The following FSTL1 variants were observed in gnomAD, a reference collection of about 807,000 sequenced individuals.
FSTL1 encodes the protein follistatin-related protein 1.
Under a neutral mutation model 45.9 loss-of-function variants are expected in FSTL1, and 24 were observed. That is an observed-to-expected ratio of 0.52 (90% CI 0.38 to 0.74). The LOEUF (loss-of-function observed/expected upper bound fraction) is 0.74. FSTL1 is among the 30% of genes least tolerant of loss of function. FSTL1 has a pLI of 0.00. For missense variants in FSTL1, 340 were observed against 381.8 expected (o/e 0.89, Z 0.91); for synonymous variants, 120 against 137.6 (o/e 0.87, Z 0.89).
chr3:120,429,078 C>CA (rs1937433810), intron 2 of FSTL1, among the ~76,000 whole-genome samples: 1 of 152,244 alleles, frequency 6.6e-6, no homozygotes, highest in African/African-American at 2.4e-5. Flanking sequence ...TGGTGTTCAT[C>CA]ATGCTTGGGC....
intron 2 of FSTL1, among the ~76,000 whole-genome samples, chr3:120,418,413 T>C (rs1287516291): frequency 6.6e-6 from 1 of 152,232 alleles, no homozygotes; most frequent in East Asian, 1.9e-4. Context: ...GGCATCCTAC[T>C]ATTTTTATTA....
chr3:120,409,704 G>A (rs372311784), intron 5 of FSTL1, 42 bp from the exon 6 acceptor site: 1 of 1,605,866 alleles, frequency 6.2e-7, no homozygotes, highest in African/African-American at 1.3e-5. Context: ...AGTCAGGGGA[G>A]GACCCCAGTG....
Position 120,396,728 on chromosome 3 carries a change from TAC to T in FSTL1, c.*222_*223del. The T allele has an allele frequency of 1.9e-6, 1 of 532,726 alleles. No homozygotes were observed. The highest frequency in any genetic ancestry group is 3.3e-6 in the Non-Finnish European group (1 of 300,566). 33.0% of individuals were successfully genotyped at this position (532,726 alleles called of 1,614,324 possible). On this transcript the variant is annotated 3_prime_UTR_variant, in exon 11 of 11. Transcript: ENST00000295633. ...TAGCCTCCAGCCCCAGAGCACCATTTACAGTTTCTCTTAAAGCACTCCTAGAA... is the reference window on the plus strand; with the variant it reads ...TAGCCTCCAGCCCCAGAGCACCATTTAGTTTCTCTTAAAGCACTCCTAGAA...
chr3:120,442,407 G>T (rs575564206), intron 2 of FSTL1, among the ~76,000 whole-genome samples: 5 of 152,342 alleles, frequency 3.3e-5, no homozygotes, highest in African/African-American at 1.2e-4. Flanking sequence ...GGCACAGCAG[G>T]ACTTCTAAGT....
intron 6 of FSTL1, among the ~76,000 whole-genome samples, chr3:120,409,211 G>A (rs1324869425): frequency 6.6e-6 from 1 of 152,222 alleles, no homozygotes; most frequent in Non-Finnish European, 1.5e-5. Context: ...TGTATTAACA[G>A]CCAGATCCAT....
chr3:120,442,652 C>A (rs1279153785), intron 2 of FSTL1, among the ~76,000 whole-genome samples: 1 of 151,618 alleles, frequency 6.6e-6, no homozygotes, highest in African/African-American at 2.4e-5. Context: ...TGGTGGCAGG[C>A]GCTTGTAATC....
At chr3:120,426,221 C>A (rs1383284202) in intron 2 of FSTL1, among the ~76,000 whole-genome samples, 1 of 152,148 alleles carries the variant, frequency 6.6e-6, no homozygotes, top group African/African-American at 2.4e-5. Flanking sequence ...GGAGAAAGCT[C>A]TAGGGCAGCT....
At chr3:120,403,939 A>AAC (rs1553789504) in intron 7 of FSTL1, among the ~76,000 whole-genome samples, 1,266 of 115,432 alleles carry the variant, frequency 0.011, 33 homozygotes, top group South Asian at 0.03. Context: ...AAAAAAAAAA[A>AAC]AAAAACAAAA....
chr3:120,439,143 AG>A (rs1937602167), intron 2 of FSTL1, among the ~76,000 whole-genome samples: 1 of 152,136 alleles, frequency 6.6e-6, no homozygotes. Flanking sequence ...GGCGAGAGCA[AG>A]GCCGGAAAGC....
At chr3:120,449,948 G>C (rs1232971600) in intron 2 of FSTL1, among the ~76,000 whole-genome samples, 1 of 152,156 alleles carries the variant, frequency 6.6e-6, no homozygotes, top group Admixed American at 6.5e-5. Flanking sequence ...AAACCTTTGA[G>C]TTAATGGAGC....
Position 120,416,027 on chromosome 3 carries a change from C to A in FSTL1, c.64G>T (p.Glu22Ter). Reference sequence around the variant, plus strand: ...ATCTTGGATTTGCTCCTTAGCTCTTCCTAAAACATACAATCATAAAGGAAA... The same window carrying A: ...ATCTTGGATTTGCTCCTTAGCTCTTACTAAAACATACAATCATAAAGGAAA... ...LVAVAWVRAE[E>*]ELRSKSKICA... The change falls in exon 3 of 11, where the codon GAA (glutamate) becomes TAA (stop). Residue 22 changes from glutamate (E) to a stop codon, truncating the protein, a stop_gained and splice_region_variant. Coordinates refer to ENST00000295633, the MANE Select transcript of FSTL1 (RefSeq NM_007085.5). LOFTEE classifies it high-confidence loss of function. 1 of 1,602,796 alleles carries A rather than the reference C, an allele frequency of 6.2e-7. No individual in the cohort carries two copies. Among genetic ancestry groups the A allele is most frequent in the Non-Finnish European group, 8.5e-7 (1 of 1,169,746 alleles).
At position 120,448,067 on chromosome 3, in the gene FSTL1, T is replaced by TA. The variant is rs1576230793; in HGVS notation, c.63+2616_63+2617insT. ...AAGTGGAGAGCACCTCTGATTCTGGTTTACTACAGAGGCTCTGGCTTCTTC... is the reference window on the plus strand; with the variant it reads ...AAGTGGAGAGCACCTCTGATTCTGGTATTACTACAGAGGCTCTGGCTTCTTC... On this transcript the variant is annotated intron_variant, in intron 2 of 10. Coordinates refer to ENST00000295633, the MANE Select transcript of FSTL1 (RefSeq NM_007085.5). Among the ~76,000 whole-genome samples the TA allele has an allele frequency of 5.3e-5, 8 of 152,346 alleles. No homozygotes were observed. In the East Asian group the frequency reaches 1.5e-3, roughly 29 times the overall value.
At chr3:120,417,538 G>A (rs776334713) in intron 2 of FSTL1, among the ~76,000 whole-genome samples, 5 of 152,182 alleles carry the variant, frequency 3.3e-5, no homozygotes, top group Non-Finnish European at 7.3e-5. Context: ...GCTAGCAGGC[G>A]GGGAAGAAAG....
chr3:120,420,313 G>C (rs1937256183), intron 2 of FSTL1, among the ~76,000 whole-genome samples: 1 of 152,196 alleles, frequency 6.6e-6, no homozygotes, highest in Admixed American at 6.5e-5. Context: ...TATCACAAAA[G>C]TATGAACCTA....
intron 2 of FSTL1, among the ~76,000 whole-genome samples, chr3:120,434,788 A>ATTGTTG (rs1937524018): frequency 6.6e-6 from 1 of 152,208 alleles, no homozygotes; most frequent in South Asian, 2.1e-4. Flanking sequence ...AATAGCAACT[A>ATTGTTG]CTATTTATTG....
At chr3:120,397,259 T>A (rs1016216877) in intron 10 of FSTL1, among the ~76,000 whole-genome samples, 2 of 152,198 alleles carry the variant, frequency 1.3e-5, no homozygotes, top group Non-Finnish European at 2.9e-5. Context: ...GACATTATGG[T>A]TCCCATTTTA....
chr3:120,411,674 GGCAAACCCAGCAGGC>G (rs1471041454), intron 4 of FSTL1, among the ~76,000 whole-genome samples, 165 bp downstream of exon 4: 2 of 152,228 alleles, frequency 1.3e-5, no homozygotes, highest in Non-Finnish European at 2.9e-5. Context: ...GGCCATCCAG[GGCAAACCCAGCAGGC>G]TCATAAGTGA....
chr3:120,415,908 G>T lies in FSTL1; in HGVS notation c.168+15C>A. 6.5e-7 allele frequency: 1 copy of T among 1,546,756 alleles called. No individual in the cohort carries two copies. The highest frequency in any genetic ancestry group is 8.9e-7 in the Non-Finnish European group (1 of 1,118,628). On this transcript the variant is annotated intron_variant, in intron 3 of 10. Coordinates refer to ENST00000295633, the MANE Select transcript of FSTL1 (RefSeq NM_007085.5). ...CCTTGGCCACTGTCCTCTGGCTCCC[G>T]ACATCAGGACTTACCTCAATGCAGA...
chr3:120,411,498 G>A (rs1306091029), intron 4 of FSTL1, among the ~76,000 whole-genome samples: 1 of 152,150 alleles, frequency 6.6e-6, no homozygotes, highest in Non-Finnish European at 1.5e-5. Context: ...AAAAGCATGG[G>A]AAAAGTGAAA....
Sources: gnomAD v4.1 joint callset for allele counts (sites outside exome capture counted in the v4.1 genomes callset) on GRCh38, gnomAD v4.1.1 for gene constraint, MANE v1.5 for transcripts, NCBI Gene and HGNC (gene_info 2026-07-23, HGNC 2026-07-21) for gene names.